The following SV2C variants were observed in gnomAD, a reference collection of about 807,000 sequenced individuals.
The protein encoded by SV2C is synaptic vesicle glycoprotein 2C, also known as solute carrier family 22 member B3.
Under a neutral mutation model 79.7 loss-of-function variants are expected in SV2C, and 49 were observed. The ratio of observed to expected loss-of-function variants is 0.61; its 90% CI spans 0.49 to 0.78. SV2C has a LOEUF of 0.78. SV2C is among the 30% of genes least tolerant of loss of function. SV2C has a pLI of 0.00. For synonymous variants in SV2C, 334 were observed against 333.2 expected (o/e 1.00, Z -0.03); for missense variants, 833 against 912.9 (o/e 0.91, Z 1.13).
At chr5:76,070,660 C>A in the SV2C span, among the ~76,000 whole-genome samples, 1 of 152,202 alleles carries the variant, frequency 6.6e-6, no homozygotes, top group Non-Finnish European at 1.5e-5. Flanking sequence ...AAATGTCAAG[C>A]CTGCATGTCA....
chr5:76,351,347 C>T (rs923064079), intron 12 of SV2C, among the ~76,000 whole-genome samples: 2 of 151,934 alleles, frequency 1.3e-5, no homozygotes, highest in African/African-American at 4.8e-5. Context: ...ACTCAGGAGG[C>T]TGAAGTGAGA....
the SV2C span, among the ~76,000 whole-genome samples, chr5:76,017,896 A>G: frequency 0.43 from 64,737 of 152,074 alleles, 16,380 homozygotes; most frequent in Middle Eastern, 0.59. Context: ...TTTTTGCTAC[A>G]AACACAGTTT....
At chr5:76,143,609 A>G (rs1171747357) in intron 2 of SV2C, among the ~76,000 whole-genome samples, 2 of 152,158 alleles carry the variant, frequency 1.3e-5, no homozygotes, top group Non-Finnish European at 2.9e-5. Context: ...CCAGGAAGCA[A>G]TAGGATCCAG....
At chr5:75,946,492 A>G in the SV2C span, among the ~76,000 whole-genome samples, 2 of 152,096 alleles carry the variant, frequency 1.3e-5, no homozygotes, top group Non-Finnish European at 2.9e-5. Context: ...TAAATCTTGA[A>G]GTCAGATCAT....
At chr5:76,121,401 T>C (rs1352292512) in intron 1 of SV2C, among the ~76,000 whole-genome samples, 2 of 151,164 alleles carry the variant, frequency 1.3e-5, no homozygotes, top group African/African-American at 4.9e-5. Context: ...TTTTGGCTTT[T>C]GTTGCCATTG....
At chr5:76,079,213 G>A (rs1198101567), upstream of SV2C, 29 of 327,238 alleles carry the variant, frequency 8.9e-5, no homozygotes, top group South Asian at 3.6e-5. Context: ...GGGCCATCAC[G>A]GGCAGCAGCA....
chr5:75,850,057 A>G, the SV2C span, among the ~76,000 whole-genome samples: 1 of 152,146 alleles, frequency 6.6e-6, no homozygotes, highest in African/African-American at 2.4e-5. Context: ...GATATGGTAA[A>G]TGATGCTGTT....
intron 6 of SV2C, among the ~76,000 whole-genome samples, chr5:76,288,083 C>CAAAAAAAAAAAAA (rs36124813): frequency 1.2e-5 from 1 of 82,590 alleles, no homozygotes; most frequent in African/African-American, 4.3e-5. Flanking sequence ...GACTCCATCT[C>CAAAAAAAAAAAAA]AAAAAAAAAA....
At chr5:76,279,853 G>C (rs536052778) in intron 4 of SV2C, among the ~76,000 whole-genome samples, 69 of 152,266 alleles carry the variant, frequency 4.5e-4, no homozygotes, top group African/African-American at 1.6e-3. Context: ...GAGGGTTGGA[G>C]AGGAGGAACA....
the SV2C span, among the ~76,000 whole-genome samples, chr5:75,959,508 G>C: frequency 6.6e-6 from 1 of 151,894 alleles, no homozygotes; most frequent in African/African-American, 2.4e-5. Flanking sequence ...TTTATTGAAG[G>C]CTTCTCAAGT....
At chr5:76,064,811 T>C in the SV2C span, among the ~76,000 whole-genome samples, 8 of 152,298 alleles carry the variant, frequency 5.3e-5, 1 homozygote, top group Admixed American at 5.2e-4. Flanking sequence ...AAATGCTATA[T>C]TAACTGCTAA....
the SV2C span, among the ~76,000 whole-genome samples, chr5:75,966,496 G>A: frequency 2.6e-5 from 4 of 152,118 alleles, no homozygotes; most frequent in Admixed American, 6.5e-5. Context: ...AGTTGCCCTC[G>A]CTGCTCATCA....
chr5:76,275,411 C>T (rs1042184961), intron 4 of SV2C, among the ~76,000 whole-genome samples: 2 of 150,266 alleles, frequency 1.3e-5, no homozygotes, highest in African/African-American at 4.9e-5. Context: ...GGCGTGAACC[C>T]GGGAGGCAGA....
At chr5:76,060,275 T>A in the SV2C span, among the ~76,000 whole-genome samples, 147 of 152,164 alleles carry the variant, frequency 9.7e-4, no homozygotes, top group Non-Finnish European at 1.6e-3. Flanking sequence ...ACTTCACCTT[T>A]CTAACTGGGC....
chr5:76,033,565 C>T, the SV2C span, among the ~76,000 whole-genome samples: 17 of 152,100 alleles, frequency 1.1e-4, no homozygotes, highest in Admixed American at 2.0e-4. Context: ...TGTAGATATT[C>T]AGCGTTATTT....
the SV2C span, among the ~76,000 whole-genome samples, chr5:76,078,163 TG>T: frequency 6.6e-6 from 1 of 152,138 alleles, no homozygotes; most frequent in Non-Finnish European, 1.5e-5. Context: ...GAAGTAGCAA[TG>T]CAGAACAAGG....
chr5:75,850,910 C>T, the SV2C span, among the ~76,000 whole-genome samples: 1,911 of 152,174 alleles, frequency 0.013, 50 homozygotes, highest in African/African-American at 0.043. Flanking sequence ...GTTGATAAGT[C>T]GGGCATAGGA....
chr5:76,126,173 A>G (rs1748699997), intron 1 of SV2C, among the ~76,000 whole-genome samples: 1 of 152,220 alleles, frequency 6.6e-6, no homozygotes. Flanking sequence ...AGCATAATGG[A>G]AAATGTGATT....
the SV2C span, among the ~76,000 whole-genome samples, chr5:76,037,178 C>T: frequency 6.3e-4 from 96 of 152,232 alleles, no homozygotes; most frequent in African/African-American, 2.3e-3. Context: ...AACTTCTTTG[C>T]CTTTGGTTTG....
Sources: allele counts gnomAD v4.1 joint callset (sites outside exome capture counted in the v4.1 genomes callset), GRCh38; gene constraint gnomAD v4.1.1; transcripts MANE v1.5; gene names NCBI Gene and HGNC (gene_info 2026-07-23, HGNC 2026-07-21).